The following GBF1 variants were observed in gnomAD, a reference collection of about 807,000 sequenced individuals.
GBF1 encodes the protein Golgi-specific brefeldin A-resistance guanine nucleotide exchange factor 1.
Under a neutral mutation model 210.5 loss-of-function variants are expected in GBF1, and 114 were observed. That is an observed-to-expected ratio of 0.54 (90% CI 0.47 to 0.63). GBF1 has a LOEUF of 0.63. Among genes scored for constraint, GBF1 ranks in the 30% least tolerant of loss-of-function variants. The pLI is 0.00. For synonymous variants in GBF1, 850 were observed against 889.2 expected, an observed-to-expected ratio of 0.96 and a Z score of 0.78; for missense variants, 1,851 against 2,357.7, an observed-to-expected ratio of 0.79 and a Z score of 4.45.
At chr10:102,247,576 G>C (rs2071003905) in intron 1 of GBF1, among the ~76,000 whole-genome samples, 1 of 152,162 alleles carries the variant, frequency 6.6e-6, no homozygotes, top group African/African-American at 2.4e-5. Context: ...GATCAATCCA[G>C]GATCCAGTCA....
intron 1 of GBF1, among the ~76,000 whole-genome samples, chr10:102,253,570 GT>G (rs1450606722): frequency 6.6e-6 from 1 of 152,122 alleles, no homozygotes; most frequent in Middle Eastern, 3.2e-3. Flanking sequence ...CTGGAGTACA[GT>G]GGTGTGATCG....
intron 1 of GBF1, among the ~76,000 whole-genome samples, chr10:102,255,947 A>G (rs988786042): frequency 1.3e-5 from 2 of 152,064 alleles, no homozygotes; most frequent in South Asian, 2.1e-4. Context: ...GCATGGACAC[A>G]TTATTATTAT....
intron 1 of GBF1, among the ~76,000 whole-genome samples, chr10:102,247,512 G>A (rs1434298654): frequency 6.6e-6 from 1 of 152,186 alleles, no homozygotes; most frequent in African/African-American, 2.4e-5. Context: ...CCATTGCCCT[G>A]TTGAGTTGAT....
intron 3 of GBF1, among the ~76,000 whole-genome samples, chr10:102,284,260 T>A (rs1009836727): frequency 6.6e-6 from 1 of 152,194 alleles, no homozygotes; most frequent in African/African-American, 2.4e-5. Context: ...AGAGCTTTTT[T>A]AAAAAACTGA....
chr10:102,336,455 CATGCAT>C (rs1282786690), intron 3 of GBF1, among the ~76,000 whole-genome samples: 1 of 152,054 alleles, frequency 6.6e-6, no homozygotes, highest in African/African-American at 2.4e-5. Context: ...AAGTGTTTTA[CATGCAT>C]CAAATGAGAT....
chr10:102,244,177 T>C (rs2070640111), upstream of GBF1, among the ~76,000 whole-genome samples: 2 of 152,194 alleles, frequency 1.3e-5, no homozygotes, highest in Non-Finnish European at 2.9e-5. Context: ...AACAAAAAAA[T>C]AGCGCATCGT....
At chr10:102,315,138 G>A (rs2078821057) in intron 3 of GBF1, among the ~76,000 whole-genome samples, 2 of 152,288 alleles carry the variant, frequency 1.3e-5, no homozygotes, top group African/African-American at 4.8e-5. Context: ...AGGAATACTG[G>A]AGTATAGGTT....
Position 102,367,115 on chromosome 10 carries a change from G to A in GBF1, c.2464G>A (p.Asp822Asn). 1.9e-6 allele frequency: 3 copies of A among 1,614,084 alleles called. No homozygotes were observed. Among genetic ancestry groups the A allele is most frequent in the Non-Finnish European group, 1.7e-6 (2 of 1,179,980 alleles). The change falls in exon 20 of 40, where the codon GAT (aspartate) becomes AAT (asparagine). Residue 822 changes from aspartate to asparagine, a missense_variant. Asp to Asn is a conservative substitution (Grantham distance 23). This residue lies in a region of GBF1 where 80 missense variants were observed against 151.4 expected (regional missense o/e 0.53). Transcript: ENST00000369983. Reference protein sequence around the residue: ...NCNGSPFANSDACFSLAYAVI... With the variant: ...NCNGSPFANSNACFSLAYAVI... ...TAATGGCTCCCCATTTGCCAATAGCGATGCCTGCTTTTCCCTGGCCTATGC... is the reference window on the plus strand; with the variant it reads ...TAATGGCTCCCCATTTGCCAATAGCAATGCCTGCTTTTCCCTGGCCTATGC...
intron 3 of GBF1, among the ~76,000 whole-genome samples, chr10:102,285,986 T>G (rs1010843856): frequency 1.3e-5 from 2 of 152,136 alleles, no homozygotes; most frequent in African/African-American, 4.8e-5. Flanking sequence ...AAAAAAAGGT[T>G]GAACCTGTTT....
In GBF1 at chr10:102,365,544, A is replaced by G; in HGVS notation, c.2254A>G (p.Ile752Val). The G allele has an allele frequency of 6.2e-7, 1 of 1,614,178 alleles. No homozygotes were observed. The highest frequency in any genetic ancestry group is 8.5e-7 in the Non-Finnish European group (1 of 1,180,030). The change falls in exon 18 of 40, where the codon ATT becomes GTT. Residue 752 changes from isoleucine to valine, a missense_variant. Physicochemically the swap from Ile to Val is conservative, Grantham distance 29. Around this residue, in one of 3 missense-constraint regions of GBF1, gnomAD observed 804 missense variants for 958.6 expected, o/e 0.84. Coordinates refer to ENST00000369983, the MANE Select transcript of GBF1 (RefSeq NM_001377137.1). ...GAACCCTCGGCTGGACAAGAAGATG[A>G]TTGGAGAGTTTGTGAGTGACCGCAA... Reference protein sequence around the residue: ...RENPRLDKKMIGEFVSDRKNI... With the variant: ...RENPRLDKKMVGEFVSDRKNI...
chr10:102,351,441 T>C, intron 5 of GBF1, 67 bp downstream of exon 5: 1 of 887,698 alleles, frequency 1.1e-6, no homozygotes, highest in Non-Finnish European at 1.9e-6. Flanking sequence ...CTACTTACTC[T>C]GCCCACAGCA....
At chr10:102,277,466 C>T (rs1019189542) in intron 3 of GBF1, among the ~76,000 whole-genome samples, 3 of 151,236 alleles carry the variant, frequency 2.0e-5, no homozygotes, top group Admixed American at 6.6e-5. Context: ...CTCGGCTCGC[C>T]TCCCGGGTTC....
chr10:102,324,169 C>G (rs2056692979), intron 3 of GBF1, among the ~76,000 whole-genome samples: 1 of 152,214 alleles, frequency 6.6e-6, no homozygotes, highest in East Asian at 1.9e-4. Flanking sequence ...CTCCCTTCCT[C>G]TCTCTCCCCT....
rs773998573 is a variant in GBF1, at chr10:102,361,784, G to C, written c.1558G>C (p.Glu520Gln). 2.5e-6 allele frequency: 4 copies of C among 1,613,518 alleles called. No homozygotes were observed. In the South Asian group the frequency reaches 3.3e-5, roughly 13 times the overall value. The change falls in exon 14 of 40, where the codon GAG (glutamate) becomes CAG (glutamine). Residue 520 changes from glutamate (E) to glutamine (Q), a missense_variant. This residue lies in a region of GBF1 where 804 missense variants were observed against 958.6 expected (regional missense o/e 0.84). Transcript: ENST00000369983. ...ENPKMPYEMK[E>Q]MALEAIVQLW... The stretch of plus-strand genomic sequence containing the variant: ...CCCCAAGATGCCTTATGAGATGAAG[G>C]AGATGGCACTGGAGGCCATTGTGCA...
Position 102,360,389 on chromosome 10 carries a change from A to G in GBF1, c.1386A>G (p.Leu462=), listed in dbSNP as rs149091401. ...TCAAGGATGAGATGTGCCGTCACTT[A>G]TTCCAGGTAAGACAAGATTGCTAGA... is the stretch of plus-strand genomic sequence containing the variant. ...GLIKDEMCRH[L]FQLLSIERLN... The change falls in exon 12 of 40, where the codon TTA becomes TTG. Residue 462 remains leucine, a synonymous_variant. Transcript: ENST00000369983. 8.5e-5 allele frequency: 136 copies of G among 1,604,156 alleles called. No homozygotes were observed. In the African/African-American group the frequency reaches 1.8e-3, roughly 21 times the overall value.
At chr10:102,348,794 G>T (rs930698644) in intron 4 of GBF1, among the ~76,000 whole-genome samples, 30 of 152,200 alleles carry the variant, frequency 2.0e-4, no homozygotes, top group Non-Finnish European at 2.9e-5. Flanking sequence ...GGCTAATGAG[G>T]ACAGAAGAAA....
At chr10:102,257,285 T>A (rs2072541828) in intron 1 of GBF1, among the ~76,000 whole-genome samples, 1 of 152,152 alleles carries the variant, frequency 6.6e-6, no homozygotes, top group Admixed American at 6.5e-5. Flanking sequence ...CTGGGCAGAT[T>A]GGATGCAGTC....
At chr10:102,304,604 C>G (rs2077674928) in intron 3 of GBF1, among the ~76,000 whole-genome samples, 1 of 151,262 alleles carries the variant, frequency 6.6e-6, no homozygotes. Flanking sequence ...GAAACCCCAT[C>G]TCTACTAAAA....
intron 3 of GBF1, among the ~76,000 whole-genome samples, chr10:102,300,835 T>C (rs984994836): frequency 1.2e-4 from 19 of 152,230 alleles, no homozygotes; most frequent in African/African-American, 4.1e-4. Flanking sequence ...CATCACTCTT[T>C]TGTGGCTTTG....
Sources: gnomAD v4.1 joint callset for allele counts (sites outside exome capture counted in the v4.1 genomes callset) on GRCh38, gnomAD v4.1.1 for gene constraint, gnomAD v4.1.1 regional missense constraint, MANE v1.5 for transcripts, NCBI Gene and HGNC (gene_info 2026-07-23, HGNC 2026-07-21) for gene names.